The following TLE2 variants were observed in gnomAD, a reference collection of about 807,000 sequenced individuals.
The protein encoded by TLE2 is TLE family member 2, transcriptional corepressor.
Under a neutral mutation model 97.2 loss-of-function variants are expected in TLE2, and 74 were observed. That is an observed-to-expected ratio of 0.76 (90% CI 0.63 to 0.92). TLE2 has a LOEUF of 0.92. Ranked by LOEUF, TLE2 falls within the 40% of genes least tolerant of loss-of-function variation. The pLI, the probability that TLE2 is intolerant of heterozygous loss-of-function variation, is 0.00. For synonymous variants in TLE2, 499 were observed against 432.1 expected, an observed-to-expected ratio of 1.15 and a Z score of -1.92; for missense variants, 1,038 against 1,008.7, an observed-to-expected ratio of 1.03 and a Z score of -0.39.
Position 3,008,882 on chromosome 19 carries a change from G to T in TLE2, c.1237C>A (p.Pro413Thr), listed in dbSNP as rs1047311469. The change falls in exon 14 of 20, where the codon CCT (proline) becomes ACT (threonine). Residue 413 changes from proline (P) to threonine (T), a missense_variant. By Grantham distance (38) the Pro-to-Thr change is conservative. Transcript: ENST00000262953. ...SSVSSSLPSI[P>T]GGKPAYSFHV... ...CCTGGTACTCACGGCTTTCCCCCAG[G>T]GATGCTGGGTAGGGAGGAAGAGACG... 7 of 1,588,538 alleles carry T rather than the reference G, an allele frequency of 4.4e-6. No homozygotes were observed. The highest frequency in any genetic ancestry group is 5.1e-6 in the Non-Finnish European group (6 of 1,167,442).
chr19:3,027,923 T>C lies in TLE2; in HGVS notation c.187-50A>G. ...ACGTCTAGGGTGGAGATGGGTGCCC[T>C]CCTCCAGATAGGTGATGCCAGGGTC... On this transcript the variant is annotated intron_variant, in intron 3 of 19. Transcript: ENST00000262953. 1.9e-6 allele frequency: 3 copies of C among 1,560,680 alleles called. No homozygotes were observed. In the Admixed American group the frequency reaches 5.5e-5, roughly 29 times the overall value.
At chr19:3,042,951 G>A (rs1440151886) in intron 1 of TLE2, among the ~76,000 whole-genome samples, 1 of 152,036 alleles carries the variant, frequency 6.6e-6, no homozygotes, top group African/African-American at 2.4e-5. Context: ...CCAGGCAGGG[G>A]CGGTTTCAGC....
At chr19:3,030,293 C>T (rs994010741), upstream of TLE2, among the ~76,000 whole-genome samples, 1 of 152,220 alleles carries the variant, frequency 6.6e-6, no homozygotes, top group Non-Finnish European at 1.5e-5. Context: ...TGCCATCAGA[C>T]TCAAGTCTCT....
In TLE2 at chr19:3,009,630, T is replaced by C. The variant is rs768575024; in HGVS notation, c.1085A>G (p.Asn362Ser). 5 of 1,613,146 alleles carry C rather than the reference T, an allele frequency of 3.1e-6. No individual in the cohort carries two copies. In the South Asian group the frequency reaches 4.4e-5, roughly 14 times the overall value. The stretch of plus-strand genomic sequence containing the variant: ...GGAGCTGGGCACGGAGAGGTCTCCG[T>C]TGAGAGTGCTGTGGGAGCCCAGGCT... ...SFSLGSHSTL[N>S]GDLSVPSSYV... The change falls in exon 13 of 20, where the codon AAC becomes AGC. Residue 362 changes from asparagine to serine, a missense_variant. Physicochemically the swap from Asn to Ser is conservative, Grantham distance 46 (BLOSUM62 1). Transcript: ENST00000262953.
In TLE2 at chr19:3,000,743, A is replaced by C. The variant is rs900530554; in HGVS notation, c.2048-20T>G. 1.3e-6 allele frequency: 2 copies of C among 1,565,634 alleles called. No individual in the cohort carries two copies. Among genetic ancestry groups the C allele is most frequent in the Non-Finnish European group, 8.7e-7 (1 of 1,155,218 alleles). ...ACCGTCCTTGGGGAAGGAGAGCAGC[A>C]GGGTTCAAGGAGGGGGCACTAACGA... On this transcript the variant is annotated intron_variant, in intron 18 of 19. Transcript: ENST00000262953.
intron 5 of TLE2, among the ~76,000 whole-genome samples, chr19:3,024,679 CAG>C (rs2145198999): frequency 6.6e-6 from 1 of 152,314 alleles, no homozygotes; most frequent in Admixed American, 6.5e-5. Flanking sequence ...ACTGAAAAAA[CAG>C]AGACAAGTGT....
chr19:3,009,417 T>G, intron 13 of TLE2, 125 bp downstream of exon 13: 1 of 1,203,202 alleles, frequency 8.3e-7, no homozygotes, highest in Non-Finnish European at 1.1e-6. Flanking sequence ...CATGCATACT[T>G]GCTGAGCCAG....
intron 1 of TLE2, among the ~76,000 whole-genome samples, chr19:3,036,846 G>A (rs1036292294): frequency 6.6e-6 from 1 of 152,192 alleles, no homozygotes; most frequent in Non-Finnish European, 1.5e-5. Flanking sequence ...GGGGGAGACA[G>A]CCCAGCTCTC....
chr19:3,028,259 CACCGTG>C, intron 3 of TLE2, 54 bp downstream of exon 3: 1 of 1,525,766 alleles, frequency 6.6e-7, no homozygotes, highest in East Asian at 2.4e-5. Context: ...CCCCAGAGTC[CACCGTG>C]ACTCAAAGCC....
chr19:3,028,807 G>T lies in TLE2; in HGVS notation c.25-4C>A, dbSNP rs773193336. On this transcript the variant is annotated splice_region_variant and splice_polypyrimidine_tract_variant and intron_variant, in intron 1 of 19. Coordinates refer to ENST00000262953, the MANE Select transcript of TLE2 (RefSeq NM_003260.5). ...GCTGGCCGGACTGGAGCGGGGTCTG[G>T]GGGGGGTGTGGGGGAAACGTCAGGG... The T allele has an allele frequency of 3.3e-5, 53 of 1,611,672 alleles. No individual in the cohort carries two copies. Among genetic ancestry groups the T allele is most frequent in the Non-Finnish European group, 4.2e-5 (50 of 1,179,266 alleles).
intron 17 of TLE2, among the ~76,000 whole-genome samples, chr19:3,004,514 C>T (rs1163692313): frequency 6.6e-6 from 1 of 151,290 alleles, no homozygotes; most frequent in Admixed American, 6.6e-5. Context: ...TGGTGCGTTC[C>T]TGTAGTCCCA....
intron 19 of TLE2, among the ~76,000 whole-genome samples, chr19:2,998,164 G>A (rs893523569): frequency 9.2e-5 from 14 of 151,616 alleles, no homozygotes; most frequent in African/African-American, 2.9e-4. Context: ...TCCACCTCCC[G>A]GGTTCAAGAC....
At chr19:3,046,847 C>A (rs896486751), upstream of TLE2, among the ~76,000 whole-genome samples, 2 of 151,210 alleles carry the variant, frequency 1.3e-5, no homozygotes, top group Non-Finnish European at 3.0e-5. Context: ...CCACCCCAGT[C>A]CTCTCTGCTC....
intron 19 of TLE2, among the ~76,000 whole-genome samples, 179 bp from the exon 20 acceptor site, chr19:2,998,134 G>C (rs1193252467): frequency 6.6e-6 from 1 of 151,858 alleles, no homozygotes; most frequent in Non-Finnish European, 1.5e-5. Context: ...GCAGTGGTGC[G>C]ATCTTGGCTC....
chr19:3,030,520 G>A (rs1233916995), upstream of TLE2, among the ~76,000 whole-genome samples: 1 of 152,154 alleles, frequency 6.6e-6, no homozygotes, highest in East Asian at 1.9e-4. Flanking sequence ...AAAAATCCAT[G>A]CCCCTTGATG....
chr19:3,006,484 C>T lies in TLE2; in HGVS notation c.1436G>A (p.Cys479Tyr). The change falls in exon 15 of 20, where the codon TGT becomes TAT. Residue 479 changes from cysteine (C) to tyrosine (Y), a missense_variant. Coordinates refer to ENST00000262953, the MANE Select transcript of TLE2 (RefSeq NM_003260.5). ...TQHVYTGGKG[C>Y]VKVWDVGQPG... ...CTGGCCCACGTCCCACACCTTCACACAGCCCTTGCCGCCCGTGTACACATG... is the reference window on the plus strand; with the variant it reads ...CTGGCCCACGTCCCACACCTTCACATAGCCCTTGCCGCCCGTGTACACATG... 6.2e-7 allele frequency: 1 copy of T among 1,610,798 alleles called. No individual in the cohort carries two copies. Among genetic ancestry groups the T allele is most frequent in the South Asian group, 1.1e-5 (1 of 90,734 alleles).
At chr19:3,038,559 TCCA>T (rs2090077618) in intron 1 of TLE2, among the ~76,000 whole-genome samples, 1 of 152,180 alleles carries the variant, frequency 6.6e-6, no homozygotes, top group African/African-American at 2.4e-5. Flanking sequence ...CCCCTCACGC[TCCA>T]CATCTATGCT....
chr19:3,000,587 G>A, intron 19 of TLE2, 60 bp downstream of exon 19: 1 of 1,483,546 alleles, frequency 6.7e-7, no homozygotes, highest in South Asian at 1.2e-5. Context: ...CTCTCTGTCT[G>A]ACCCTGGCAT....
chr19:3,034,555 A>T (rs2090048501), intron 1 of TLE2, among the ~76,000 whole-genome samples: 1 of 150,302 alleles, frequency 6.7e-6, no homozygotes, highest in Non-Finnish European at 1.5e-5. Context: ...TCTTCCTGGA[A>T]TTCCCTCCCC....
Sources: allele counts gnomAD v4.1 joint callset (sites outside exome capture counted in the v4.1 genomes callset), GRCh38; gene constraint gnomAD v4.1.1; transcripts MANE v1.5; gene names NCBI Gene and HGNC (gene_info 2026-07-23, HGNC 2026-07-21).